Variants in DLGAP1 observed in about 807,000 individuals in gnomAD.
The protein encoded by DLGAP1 is DLG associated protein 1, also known as disks large-associated protein 1.
In DLGAP1, 11 loss-of-function variants were observed where a neutral mutation model predicts 90.8. That is an observed-to-expected ratio of 0.12 (90% CI 0.08 to 0.20). The LOEUF (loss-of-function observed/expected upper bound fraction) is 0.20. Ranked by LOEUF, DLGAP1 falls within the 10% of genes least tolerant of loss-of-function variation. The pLI, the probability that DLGAP1 is intolerant of heterozygous loss-of-function variation, is 1.00. For synonymous variants in DLGAP1, 558 were observed against 540.7 expected (o/e 1.03, Z -0.44); for missense variants, 1,050 against 1,333.8 (o/e 0.79, Z 3.31).
At position 3,708,797 on chromosome 18, in the gene DLGAP1, A is replaced by G. The variant is rs566028310; in HGVS notation, c.1591+20338T>C. ...AGAGCGTACTTGACAGTACGCGTAA[A>G]GAGACTCCTCATTGTGACTCAGATA... On this transcript the variant is annotated intron_variant, in intron 7 of 12. Transcript: ENST00000315677. Among the ~76,000 whole-genome samples the G allele has an allele frequency of 2.6e-5, 4 of 152,348 alleles. No individual in the cohort carries two copies. In the South Asian group the frequency reaches 8.3e-4, roughly 32 times the overall value.
At chr18:3,840,771 A>G (rs1194194992) in intron 4 of DLGAP1, among the ~76,000 whole-genome samples, 1 of 152,208 alleles carries the variant, frequency 6.6e-6, no homozygotes, top group African/African-American at 2.4e-5. Flanking sequence ...CAGATGAAGC[A>G]GTTGAGGCAC....
intron 2 of DLGAP1, among the ~76,000 whole-genome samples, chr18:4,123,969 T>G (rs574132354): frequency 3.9e-5 from 6 of 152,170 alleles, no homozygotes; most frequent in Non-Finnish European, 5.9e-5. Context: ...GAAATTCCCA[T>G]GTTAAAGATG....
chr18:3,987,314 T>C (rs756297636), intron 3 of DLGAP1, among the ~76,000 whole-genome samples: 3 of 152,136 alleles, frequency 2.0e-5, no homozygotes, highest in Non-Finnish European at 4.4e-5. Context: ...ATTTCCTCGA[T>C]TGTTTGGAGA....
At position 3,879,900 on chromosome 18, in the gene DLGAP1, A is replaced by G. The variant is rs2071106362; in HGVS notation, c.169T>C (p.Cys57Arg). The change falls in exon 4 of 13, where the codon TGC becomes CGC. Residue 57 changes from cysteine to arginine, a missense_variant. Cys to Arg is a radical substitution (Grantham distance 180). Around this residue, in one of 2 missense-constraint regions of DLGAP1, gnomAD observed 485 missense variants for 454.1 expected, o/e 1.07. Coordinates refer to ENST00000315677, the MANE Select transcript of DLGAP1 (RefSeq NM_004746.4). This position sits in a 1 kb window ranked among gnomAD's most constrained non-coding sequence, Gnocchi z 6.6. ...AGCGGGTCGCTGAAGGGGCCCACGC[A>G]CTCAGCCTGGAAGGAGTTCCGCTGG... Reference protein sequence around the residue: ...YTQRNSFQAECVGPFSDPLAS... With the variant: ...YTQRNSFQAERVGPFSDPLAS... The G allele has an allele frequency of 5.6e-6, 9 of 1,612,360 alleles. No homozygotes were observed. Among genetic ancestry groups the G allele is most frequent in the Non-Finnish European group, 6.8e-6 (8 of 1,179,774 alleles).
chr18:3,906,873 C>A (rs1455773104), intron 3 of DLGAP1, among the ~76,000 whole-genome samples: 3 of 152,142 alleles, frequency 2.0e-5, no homozygotes, highest in African/African-American at 7.2e-5. Flanking sequence ...TCAATAGATT[C>A]CTTTAAAAAC....
In DLGAP1 at chr18:3,499,101, C is replaced by T. The variant is rs1364638827; in HGVS notation, c.*84G>A. 9.6e-6 allele frequency: 12 copies of T among 1,252,782 alleles called. No homozygotes were observed. The highest frequency in any genetic ancestry group is 6.4e-5 in the Admixed American group (2 of 31,460). The allele number at this position is 1,252,782 out of a possible 1,614,324, so 77.6% of individuals were successfully genotyped here. A position where few individuals can be genotyped will look rare whatever the true frequency, so the allele number is the denominator to read the frequency against. On this transcript the variant is annotated 3_prime_UTR_variant, in exon 13 of 13. Transcript: ENST00000315677. This position sits in a 1 kb window ranked among gnomAD's most constrained non-coding sequence, Gnocchi z 6.4. ...CACCGAGCTCGGGAGCGGACGGGCTCGGAGGGGGAGAGGCAGCCGGCAGAG... is the reference window on the plus strand; with the variant it reads ...CACCGAGCTCGGGAGCGGACGGGCTTGGAGGGGGAGAGGCAGCCGGCAGAG...
At chr18:4,337,174 T>C (rs1437768774) in intron 1 of DLGAP1, among the ~76,000 whole-genome samples, 5 of 145,236 alleles carry the variant, frequency 3.4e-5, no homozygotes, top group Non-Finnish European at 7.5e-5. Flanking sequence ...AGTTGATACA[T>C]TGATAGGCCA....
intron 7 of DLGAP1, among the ~76,000 whole-genome samples, chr18:3,659,563 T>C (rs112784492): frequency 0.01 from 1,571 of 151,622 alleles, 29 homozygotes; most frequent in African/African-American, 0.036. Context: ...TCAATATCTT[T>C]TTTTTTTTTT....
At chr18:4,345,408 A>C (rs1440724087) in intron 1 of DLGAP1, among the ~76,000 whole-genome samples, 1 of 152,222 alleles carries the variant, frequency 6.6e-6, no homozygotes, top group Non-Finnish European at 1.5e-5. Flanking sequence ...GTAAACTTAT[A>C]TGCACTAGCA....
intron 3 of DLGAP1, among the ~76,000 whole-genome samples, chr18:3,925,744 C>T (rs2072368288): frequency 6.6e-6 from 1 of 152,120 alleles, no homozygotes; most frequent in Non-Finnish European, 1.5e-5. Flanking sequence ...TGTTCTCATT[C>T]ATTAACTACA....
chr18:4,261,044 GC>G (rs1179784139), intron 1 of DLGAP1, among the ~76,000 whole-genome samples: 2 of 152,208 alleles, frequency 1.3e-5, no homozygotes, highest in African/African-American at 4.8e-5. Context: ...ATCTTTTCAT[GC>G]CCTGATTCTG....
intron 7 of DLGAP1, among the ~76,000 whole-genome samples, chr18:3,626,597 A>G (rs566027858): frequency 6.6e-6 from 1 of 151,292 alleles, no homozygotes; most frequent in East Asian, 1.9e-4. Flanking sequence ...AACCTGTTAA[A>G]AAAAAAAAAA....
chr18:3,819,655 TCA>T (rs1194264870), intron 4 of DLGAP1, among the ~76,000 whole-genome samples: 3 of 152,182 alleles, frequency 2.0e-5, no homozygotes, highest in Non-Finnish European at 4.4e-5. Flanking sequence ...TATTATAACC[TCA>T]GTTTGTCAAA....
chr18:3,791,517 T>C (rs1473541328), intron 5 of DLGAP1, among the ~76,000 whole-genome samples: 1 of 110,686 alleles, frequency 9.0e-6, no homozygotes, highest in African/African-American at 3.2e-5. Flanking sequence ...CACATGTGCG[T>C]GTGTGTGTGT....
At chr18:3,928,785 C>T (rs4798147) in intron 3 of DLGAP1, among the ~76,000 whole-genome samples, 81,950 of 151,958 alleles carry the variant, frequency 0.54, 22,145 homozygotes, top group African/African-American at 0.58. Context: ...ATATGCCTTA[C>T]GATTTCTATG....
chr18:3,534,138 A>G (rs549295523), intron 10 of DLGAP1, 56 bp downstream of exon 10: 1 of 1,561,478 alleles, frequency 6.4e-7, no homozygotes, highest in South Asian at 1.2e-5. Flanking sequence ...AGGTCTGCAC[A>G]CACAAAGCAA....
intron 2 of DLGAP1, among the ~76,000 whole-genome samples, chr18:4,124,488 G>T (rs1024140484): frequency 6.6e-6 from 1 of 152,218 alleles, no homozygotes; most frequent in Admixed American, 6.5e-5. Flanking sequence ...CATAATGACA[G>T]GCCAGGGCCT....
At chr18:3,863,535 A>T (rs2070208895) in intron 4 of DLGAP1, among the ~76,000 whole-genome samples, 2 of 152,168 alleles carry the variant, frequency 1.3e-5, no homozygotes, top group East Asian at 3.9e-4. Context: ...TCACACCTGG[A>T]AGCATTTAGG....
intron 1 of DLGAP1, among the ~76,000 whole-genome samples, chr18:4,176,846 T>C (rs911509128): frequency 5.9e-5 from 9 of 152,204 alleles, no homozygotes; most frequent in Non-Finnish European, 1.2e-4. Flanking sequence ...AAGTTTATCA[T>C]GGTAAATGAT....
Sources: gnomAD v4.1 joint callset for allele counts (sites outside exome capture counted in the v4.1 genomes callset) on GRCh38, gnomAD v4.1.1 for gene constraint, gnomAD v4.1.1 regional missense constraint, Gnocchi (gnomAD v3.1) non-coding constraint, MANE v1.5 for transcripts, NCBI Gene and HGNC (gene_info 2026-07-23, HGNC 2026-07-21) for gene names.